The following BLK variants were observed in gnomAD, a reference collection of about 807,000 sequenced individuals.
BLK encodes tyrosine-protein kinase Blk.
BLK carries 64 observed loss-of-function variants against 61.8 expected under a neutral mutation model. The observed-to-expected ratio is 1.03, with a 90% CI of 0.85 to 1.27. BLK has a LOEUF of 1.27. BLK is among the 50% of genes most tolerant of loss of function. The probability of loss-of-function intolerance (pLI) is 0.00; values close to 1 mark genes in which losing one functional copy is unlikely to be tolerated. For synonymous variants in BLK, 351 were observed against 272.0 expected (o/e 1.29, Z -2.86); for missense variants, 853 against 660.5 (o/e 1.29, Z -3.19).
intron 1 of BLK, among the ~76,000 whole-genome samples, chr8:11,512,560 G>T (rs1194240245): frequency 6.6e-6 from 1 of 152,186 alleles, no homozygotes; most frequent in African/African-American, 2.4e-5. Flanking sequence ...TTTAAGGCAG[G>T]CAGAAAACAT....
At chr8:11,506,863 G>A (rs549712230) in intron 1 of BLK, among the ~76,000 whole-genome samples, 1 of 152,296 alleles carries the variant, frequency 6.6e-6, no homozygotes, top group East Asian at 1.9e-4. Context: ...CACTTGAGAC[G>A]CGGTTGCCCA....
chr8:11,501,603 G>A (rs2736346), intron 1 of BLK, among the ~76,000 whole-genome samples: 52,810 of 152,068 alleles, frequency 0.35, 10,499 homozygotes, highest in East Asian at 0.69. Context: ...TAAAGGATGC[G>A]TAGCACTTAA....
intron 3 of BLK, 90 bp downstream of exon 3, chr8:11,546,193 C>T: frequency 6.8e-7 from 1 of 1,462,934 alleles, no homozygotes; most frequent in South Asian, 1.1e-5. Flanking sequence ...GAGTCAGGAG[C>T]AGCTTGAGGG....
intron 7 of BLK, 119 bp downstream of exon 7, chr8:11,555,008 A>G: frequency 1.4e-6 from 2 of 1,457,098 alleles, no homozygotes; most frequent in Admixed American, 4.0e-5. Flanking sequence ...GATTATCCCA[A>G]AGTTAGGCCT....
At chr8:11,546,587 T>C (rs935306338) in intron 3 of BLK, among the ~76,000 whole-genome samples, 2 of 152,094 alleles carry the variant, frequency 1.3e-5, no homozygotes, top group African/African-American at 4.8e-5. Flanking sequence ...CCACTTGGTT[T>C]TTTTTGAGAC....
At chr8:11,542,296 T>C (rs1800414698) in intron 1 of BLK, among the ~76,000 whole-genome samples, 1 of 152,258 alleles carries the variant, frequency 6.6e-6, no homozygotes, top group Non-Finnish European at 1.5e-5. Flanking sequence ...AGGTCCATCT[T>C]AGAATTGATG....
intron 7 of BLK, 24 bp downstream of exon 7, chr8:11,554,913 G>T (rs184290670): frequency 3.7e-6 from 6 of 1,608,584 alleles, no homozygotes; most frequent in Non-Finnish European, 4.2e-6. Context: ...TGCAATGGGG[G>T]CAGGGACTTG....
intron 1 of BLK, among the ~76,000 whole-genome samples, chr8:11,528,081 G>C (rs1325188825): frequency 1.3e-5 from 2 of 152,114 alleles, no homozygotes; most frequent in African/African-American, 2.4e-5. Context: ...CTGTCACCGA[G>C]GCTGGAGTTC....
intron 1 of BLK, among the ~76,000 whole-genome samples, chr8:11,528,893 TG>T (rs1398010632): frequency 6.6e-6 from 1 of 152,100 alleles, no homozygotes; most frequent in Non-Finnish European, 1.5e-5. Flanking sequence ...AAGTGGGAGC[TG>T]AACGGTGAGA....
rs751422253 is a variant in BLK, at chr8:11,563,095, C to A, written c.1297C>A (p.Arg433=). 11 of 1,613,934 alleles carry A rather than the reference C, an allele frequency of 6.8e-6. No individual in the cohort carries two copies. The highest frequency in any genetic ancestry group is 1.6e-4 in the Middle Eastern group (1 of 6,062). ...CCTGATGGAAGTTGTCACTTATGGGCGGGTGCCATACCCAGGTAGGTGGCT... is the reference window on the plus strand; with the variant it reads ...CCTGATGGAAGTTGTCACTTATGGGAGGGTGCCATACCCAGGTAGGTGGCT... The part of the protein sequence containing the change: ...VLLMEVVTYG[R]VPYPGMSNPE... The change falls in exon 12 of 13, where the codon CGG becomes AGG. Residue 433 remains arginine (R), a synonymous_variant. Coordinates refer to ENST00000259089, the MANE Select transcript of BLK (RefSeq NM_001715.3).
At chr8:11,544,166 T>A (rs112483077) in intron 2 of BLK, among the ~76,000 whole-genome samples, 64 of 152,282 alleles carry the variant, frequency 4.2e-4, no homozygotes, top group African/African-American at 1.5e-3. Flanking sequence ...AGTTTCACCA[T>A]GTTGGCTAGA....
intron 1 of BLK, among the ~76,000 whole-genome samples, chr8:11,512,408 C>T (rs950294941): frequency 3.9e-5 from 6 of 152,196 alleles, no homozygotes; most frequent in African/African-American, 7.2e-5. Context: ...ATCACTCTGA[C>T]GACATGTCAG....
At chr8:11,529,058 G>A (rs1279890374) in intron 1 of BLK, among the ~76,000 whole-genome samples, 1 of 152,062 alleles carries the variant, frequency 6.6e-6, no homozygotes, top group African/African-American at 2.4e-5. Flanking sequence ...GTTTACATAT[G>A]TAACAAACCT....
At chr8:11,514,170 C>T (rs1346341828) in intron 1 of BLK, among the ~76,000 whole-genome samples, 21 of 152,184 alleles carry the variant, frequency 1.4e-4, no homozygotes, top group Admixed American at 1.4e-3. Context: ...TGGGCAAGGT[C>T]TCTGTCCCTG....
intron 1 of BLK, among the ~76,000 whole-genome samples, chr8:11,508,592 C>T (rs527587094): frequency 4.9e-4 from 74 of 152,374 alleles, no homozygotes; most frequent in African/African-American, 1.7e-3. Context: ...CCAGAAGGTA[C>T]TTCATGTCAG....
At chr8:11,544,898 C>G (rs866149395) in intron 2 of BLK, among the ~76,000 whole-genome samples, 7 of 152,222 alleles carry the variant, frequency 4.6e-5, no homozygotes, top group Non-Finnish European at 8.8e-5. Flanking sequence ...CACCTCCCAA[C>G]TTCAGACAAG....
intron 1 of BLK, among the ~76,000 whole-genome samples, chr8:11,507,946 C>A (rs746279699): frequency 2.6e-5 from 4 of 152,198 alleles, no homozygotes; most frequent in Admixed American, 6.5e-5. Flanking sequence ...GTAGAGTCAA[C>A]GGCCTTCCAG....
chr8:11,541,801 C>T (rs1229303625), intron 1 of BLK, among the ~76,000 whole-genome samples: 1 of 152,082 alleles, frequency 6.6e-6, no homozygotes, highest in Non-Finnish European at 1.5e-5. Context: ...CCCAGCCAAA[C>T]CCATAATCTC....
intron 8 of BLK, 90 bp downstream of exon 8, chr8:11,555,574 T>C: frequency 6.3e-7 from 1 of 1,576,706 alleles, no homozygotes; most frequent in Non-Finnish European, 8.6e-7. Flanking sequence ...TAGCGTGTCA[T>C]CCCTCCCCCA....
Sources: allele counts gnomAD v4.1 joint callset (sites outside exome capture counted in the v4.1 genomes callset), GRCh38; gene constraint gnomAD v4.1.1; transcripts MANE v1.5; gene names NCBI Gene and HGNC (gene_info 2026-07-23, HGNC 2026-07-21).